The following CCND3 variants were observed in gnomAD, a reference collection of about 807,000 sequenced individuals.
The protein encoded by CCND3 is cyclin D3.
Under a neutral mutation model 28.7 loss-of-function variants are expected in CCND3, and 9 were observed. The ratio of observed to expected loss-of-function variants is 0.31; its 90% CI spans 0.19 to 0.55. The LOEUF is 0.55. Among genes scored for constraint, CCND3 ranks in the 20% least tolerant of loss-of-function variants. The pLI is 0.93. For synonymous variants in CCND3, 164 were observed against 163.9 expected, an observed-to-expected ratio of 1.00 and a Z score of 0.00; for missense variants, 315 against 385.8, an observed-to-expected ratio of 0.82 and a Z score of 1.54.
chr6:41,989,060 T>C (rs1047996959), intron 1 of CCND3, among the ~76,000 whole-genome samples: 3 of 151,948 alleles, frequency 2.0e-5, no homozygotes, highest in Admixed American at 1.3e-4. Context: ...GTCAAAAGAA[T>C]GAGAAGACAA....
chr6:41,987,509 CTCTCTCTCTGTGTGTGTGTG>C lies in CCND3; in HGVS notation c.-45-46944_-45-46925del, dbSNP rs1288475828. Among the ~76,000 whole-genome samples, 16 of 68,600 alleles carry C rather than the reference CTCTCTCTCTGTGTGTGTGTG, an allele frequency of 2.3e-4. 1 individual carries two copies. The highest frequency in any genetic ancestry group is 1.5e-3 in the Admixed American group (9 of 5,896). 45.0% of individuals were successfully genotyped at this position (68,600 alleles called of 152,430 possible). A position where few individuals can be genotyped will look rare whatever the true frequency, so the allele number is the denominator to read the frequency against. On this transcript the variant is annotated intron_variant, in intron 1 of 4. Coordinates refer to the CCND3 transcript ENST00000372988. Reference sequence around the variant, plus strand: ...TCTCTCTCTCTCTCTCTCTCTCTCTCTCTCTCTCTGTGTGTGTGTGTGTGTGTGTGTGTGTGTGTGTGTGT... The same window carrying C: ...TCTCTCTCTCTCTCTCTCTCTCTCTCTGTGTGTGTGTGTGTGTGTGTGTGT...
At chr6:42,033,210 G>C (rs1023022837) in intron 1 of CCND3, among the ~76,000 whole-genome samples, 2 of 152,082 alleles carry the variant, frequency 1.3e-5, no homozygotes, top group African/African-American at 4.8e-5. Context: ...CCAGCACTTT[G>C]GGAGGCCGAG....
At chr6:42,014,148 G>A (rs1362111108) in intron 1 of CCND3, among the ~76,000 whole-genome samples, 2 of 151,416 alleles carry the variant, frequency 1.3e-5, no homozygotes, top group African/African-American at 4.9e-5. Context: ...GGTGGATCAC[G>A]AGGTCAGGAG....
At chr6:41,992,542 G>A (rs992812332) in intron 1 of CCND3, among the ~76,000 whole-genome samples, 2 of 138,222 alleles carry the variant, frequency 1.4e-5, no homozygotes, top group Non-Finnish European at 3.0e-5. Flanking sequence ...TCCACCTCCC[G>A]GGTTCAGACA....
chr6:41,941,136 C>T lies in CCND3; in HGVS notation c.198+316G>A, dbSNP rs1175329859. 3 of 1,485,296 alleles carry T rather than the reference C, an allele frequency of 2.0e-6. No individual in the cohort carries two copies. Among genetic ancestry groups the T allele is most frequent in the Non-Finnish European group, 2.7e-6 (3 of 1,122,766 alleles). 92.0% of individuals were successfully genotyped at this position (1,485,296 alleles called of 1,614,324 possible). ...TCCAGGCGCGCTCTCCGGAGAAGGC[C>T]GGGAGGCGGAGGGAAGCGGGAGACG... On this transcript the variant is annotated intron_variant, in intron 1 of 4. Coordinates refer to ENST00000372991, the MANE Select transcript of CCND3 (RefSeq NM_001760.5). The surrounding 1 kb of genome is among the most constrained non-coding windows in gnomAD (Gnocchi z 6.1).
rs1260093353 is a variant in CCND3, at chr6:41,937,263, G to A, written c.546C>T (p.Ala182=). ...RDRQALVKKH[A]QTFLALCATD... The stretch of plus-strand genomic sequence containing the variant: ...TAGCACAGAGGGCCAAAAAGGTCTG[G>A]GCATGCTTTTTGACCAAGGCCTGTC... Residue 182 remains alanine (A), a synonymous_variant, in exon 3 of 5, where the codon GCC becomes GCT. Transcript: ENST00000372991. 3.7e-6 allele frequency: 6 copies of A among 1,614,044 alleles called. No individual in the cohort carries two copies. Among genetic ancestry groups the A allele is most frequent in the Middle Eastern group, 1.6e-4 (1 of 6,084 alleles).
At chr6:42,001,363 CA>C (rs1763005992) in intron 1 of CCND3, among the ~76,000 whole-genome samples, 1 of 151,536 alleles carries the variant, frequency 6.6e-6, no homozygotes, top group South Asian at 2.1e-4. Context: ...AAATGTCTAT[CA>C]ACAAGAGAAT....
intron 1 of CCND3, among the ~76,000 whole-genome samples, chr6:42,020,741 C>G (rs1371249189): frequency 6.6e-6 from 1 of 152,184 alleles, no homozygotes; most frequent in Non-Finnish European, 1.5e-5. Context: ...CCCCCTTTAT[C>G]CAGTTTCACT....
At chr6:42,034,754 C>T (rs557068053) in intron 1 of CCND3, among the ~76,000 whole-genome samples, 56 of 152,032 alleles carry the variant, frequency 3.7e-4, no homozygotes, top group African/African-American at 1.2e-3. Context: ...CTGGAATTAC[C>T]GGCTTGAGCC....
chr6:41,960,472 G>T (rs1761690656), intron 1 of CCND3, among the ~76,000 whole-genome samples: 1 of 152,150 alleles, frequency 6.6e-6, no homozygotes, highest in African/African-American at 2.4e-5. Flanking sequence ...CTCCAGGGAG[G>T]CCTCTAACAC....
chr6:42,028,676 C>G (rs1168563004), intron 1 of CCND3, among the ~76,000 whole-genome samples: 1 of 152,194 alleles, frequency 6.6e-6, no homozygotes, highest in Non-Finnish European at 1.5e-5. Flanking sequence ...GGTTCCGTTC[C>G]CAGCTCTAGC....
rs1422976700 is a variant in CCND3 at position 41,987,511 on chromosome 6, CTCTCTCTGTGTGTGTG to C, written c.-45-46942_-45-46927del. 8.2e-3 allele frequency among the ~76,000 whole-genome samples: 355 copies of C among 43,498 alleles called. 1 individual carries two copies. The highest frequency in any genetic ancestry group is 9.9e-3 in the Non-Finnish European group (265 of 26,674). 28.5% of individuals were successfully genotyped at this position (43,498 alleles called of 152,430 possible). On this transcript the variant is annotated intron_variant, in intron 1 of 4. Transcript: ENST00000372988. ...TCTCTCTCTCTCTCTCTCTCTCTCT[CTCTCTCTGTGTGTGTG>C]TGTGTGTGTGTGTGTGTGTGTGTGT...
intron 1 of CCND3, among the ~76,000 whole-genome samples, chr6:42,003,650 A>G (rs1011015353): frequency 6.6e-6 from 1 of 151,822 alleles, no homozygotes; most frequent in Non-Finnish European, 1.5e-5. Flanking sequence ...AGGTCAGTAA[A>G]GTTAAAAGTT....
chr6:42,011,366 C>T (rs1582160145), intron 1 of CCND3, among the ~76,000 whole-genome samples: 2 of 152,232 alleles, frequency 1.3e-5, no homozygotes, highest in Non-Finnish European at 1.5e-5. Context: ...CTCCAGCAAT[C>T]CTCCTGCCCC....
At chr6:41,961,766 TC>T (rs1761725665) in intron 1 of CCND3, among the ~76,000 whole-genome samples, 1 of 151,906 alleles carries the variant, frequency 6.6e-6, no homozygotes. Context: ...CCAGCCCACA[TC>T]CCCACCTGGA....
rs559160482 is a variant in CCND3, at chr6:41,996,439, C to T, written c.-46+52062G>A. On this transcript the variant is annotated intron_variant, in intron 1 of 4. Coordinates refer to the CCND3 transcript ENST00000372988. ...TGCTGGGATTACAGGTGTAAGCCAC[C>T]GCGCCCAGCCTGATATATTTATATT... is the stretch of plus-strand genomic sequence containing the variant. Among the ~76,000 whole-genome samples the T allele has an allele frequency of 1.9e-3, 284 of 151,692 alleles. 1 individual carries two copies. The highest frequency in any genetic ancestry group is 6.6e-3 in the African/African-American group (272 of 41,370).
At chr6:41,963,123 C>T (rs2127404971) in intron 1 of CCND3, among the ~76,000 whole-genome samples, 1 of 152,332 alleles carries the variant, frequency 6.6e-6, no homozygotes, top group South Asian at 2.1e-4. Flanking sequence ...GCTTCCCCAA[C>T]ACACAGGCAT....
chr6:41,964,723 T>TC (rs1205574204), intron 1 of CCND3, among the ~76,000 whole-genome samples: 1 of 152,060 alleles, frequency 6.6e-6, no homozygotes, highest in Non-Finnish European at 1.5e-5. Context: ...CCTGGACTTG[T>TC]CCCCTAAAGG....
Position 41,941,697 on chromosome 6 carries a change from A to G in CCND3, c.-48T>C, listed in dbSNP as rs1451123295. 7.6e-5 allele frequency: 97 copies of G among 1,273,898 alleles called. No homozygotes were observed. In the East Asian group the frequency reaches 3.0e-3, roughly 40 times the overall value. The allele number at this position is 1,273,898 out of a possible 1,614,324, so 78.9% of individuals were successfully genotyped here. On this transcript the variant is annotated 5_prime_UTR_variant, in exon 1 of 5. Coordinates refer to ENST00000372991, the MANE Select transcript of CCND3 (RefSeq NM_001760.5). The surrounding 1 kb of genome is among the most constrained non-coding windows in gnomAD (Gnocchi z 6.1). Reference sequence around the variant, plus strand: ...GCGGGAGTGCGGGCTCGCGAGTCCCAAGGCAGGCGACGGGCCGGAGAGCGC... The same window carrying G: ...GCGGGAGTGCGGGCTCGCGAGTCCCGAGGCAGGCGACGGGCCGGAGAGCGC...
Sources: gnomAD v4.1 joint callset for allele counts (sites outside exome capture counted in the v4.1 genomes callset) on GRCh38, gnomAD v4.1.1 for gene constraint, Gnocchi (gnomAD v3.1) non-coding constraint, MANE v1.5 for transcripts, NCBI Gene and HGNC (gene_info 2026-07-23, HGNC 2026-07-21) for gene names.